The following STAG1 variants were observed in gnomAD, a reference collection of about 807,000 sequenced individuals.
The protein encoded by STAG1 is cohesin subunit SA-1.
In STAG1, 26 loss-of-function variants were observed where a neutral mutation model predicts 170.9. That is an observed-to-expected ratio of 0.15 (90% CI 0.11 to 0.21). The LOEUF is 0.21. Ranked by LOEUF, STAG1 falls within the 10% of genes least tolerant of loss-of-function variation. STAG1 has a pLI of 1.00. For synonymous variants in STAG1, 514 were observed against 497.7 expected (o/e 1.03, Z -0.44); for missense variants, 964 against 1,509.5 (o/e 0.64, Z 5.99).
chr3:136,409,523 G>T (rs1487683928), intron 21 of STAG1, among the ~76,000 whole-genome samples: 1 of 151,958 alleles, frequency 6.6e-6, no homozygotes, highest in African/African-American at 2.4e-5. Context: ...TTTTAGTATA[G>T]ATGGGGTTTT....
At chr3:136,551,758 G>A (rs1041440020) in intron 5 of STAG1, among the ~76,000 whole-genome samples, 3 of 151,754 alleles carry the variant, frequency 2.0e-5, no homozygotes, top group Admixed American at 6.6e-5. Context: ...CACACACCTG[G>A]CTAATTTTTC....
intron 5 of STAG1, among the ~76,000 whole-genome samples, chr3:136,567,577 G>A (rs755649972): frequency 1.3e-5 from 2 of 152,168 alleles, no homozygotes; most frequent in Non-Finnish European, 2.9e-5. Context: ...CACAGCCTGG[G>A]CTGCATCAGC....
intron 1 of STAG1, among the ~76,000 whole-genome samples, chr3:136,704,821 C>CAAAAAAAAAAAA (rs67207510): frequency 7.0e-4 from 36 of 51,418 alleles, no homozygotes; most frequent in Non-Finnish European, 8.6e-4. Flanking sequence ...GTCCCTGTCT[C>CAAAAAAAAAAAA]AAAAAAAAAA....
At chr3:136,487,149 G>A (rs1424999301) in intron 9 of STAG1, among the ~76,000 whole-genome samples, 1 of 151,886 alleles carries the variant, frequency 6.6e-6, no homozygotes, top group African/African-American at 2.4e-5. Context: ...CTCCCAACAG[G>A]CACTGGTGTG....
chr3:136,351,947 A>G (rs1936446761), intron 28 of STAG1, among the ~76,000 whole-genome samples: 2 of 152,308 alleles, frequency 1.3e-5, no homozygotes, highest in South Asian at 2.1e-4. Context: ...TCAGCAGCCA[A>G]GACAAATGAT....
chr3:136,521,419 T>TA lies in STAG1; in HGVS notation c.472-3dup, dbSNP rs759778304. ...GGTAAGAGGATAATCACCACTGTCC[T>TA]AAAAAACAGAAAAAGAACATATTAA... On this transcript the variant is annotated splice_polypyrimidine_tract_variant and splice_region_variant and intron_variant, in intron 6 of 33. Transcript: ENST00000383202. The TA allele has an allele frequency of 3.7e-6, 6 of 1,612,108 alleles. No individual in the cohort carries two copies. The African/African-American group carries it at 4.0e-5, about 11-fold the overall frequency.
At chr3:136,396,764 G>C (rs2087174669) in intron 22 of STAG1, among the ~76,000 whole-genome samples, 1 of 151,592 alleles carries the variant, frequency 6.6e-6, no homozygotes, top group Non-Finnish European at 1.5e-5. Flanking sequence ...TTGACCTTGT[G>C]ATCTGCCCGC....
chr3:136,604,943 C>A (rs566263345), intron 3 of STAG1, among the ~76,000 whole-genome samples: 9 of 152,270 alleles, frequency 5.9e-5, no homozygotes, highest in Admixed American at 4.6e-4. Context: ...AGCCACCACA[C>A]CTAGATGATG....
chr3:136,552,688 T>A (rs914905689), intron 5 of STAG1, among the ~76,000 whole-genome samples: 9 of 152,152 alleles, frequency 5.9e-5, no homozygotes, highest in African/African-American at 2.2e-4. Flanking sequence ...AGGGGTCAAT[T>A]TATCACCTCA....
At chr3:136,624,820 AG>A (rs1418511876) in intron 2 of STAG1, among the ~76,000 whole-genome samples, 1 of 152,260 alleles carries the variant, frequency 6.6e-6, no homozygotes, top group African/African-American at 2.4e-5. Flanking sequence ...TGAGGTGGGA[AG>A]TGACAAACAG....
chr3:136,422,031 C>T (rs1462239964), intron 19 of STAG1, among the ~76,000 whole-genome samples: 2 of 151,676 alleles, frequency 1.3e-5, no homozygotes, highest in Non-Finnish European at 2.9e-5. Context: ...CCTGTAATCC[C>T]AGCTACTCAA....
intron 1 of STAG1, among the ~76,000 whole-genome samples, chr3:136,751,016 T>C (rs1255171181): frequency 6.6e-6 from 1 of 152,226 alleles, no homozygotes; most frequent in Non-Finnish European, 1.5e-5. Context: ...CCAGATAAGT[T>C]ACAAATCACA....
intron 16 of STAG1, among the ~76,000 whole-genome samples, chr3:136,429,172 C>T (rs1028614861): frequency 6.6e-6 from 1 of 151,764 alleles, no homozygotes; most frequent in African/African-American, 2.4e-5. Flanking sequence ...TTTGGGAGGC[C>T]GAAACGGGTG....
chr3:136,739,095 A>C (rs966112766), intron 1 of STAG1, among the ~76,000 whole-genome samples: 1 of 152,222 alleles, frequency 6.6e-6, no homozygotes. Flanking sequence ...GTATTTCAAC[A>C]TGCAGAAATG....
intron 9 of STAG1, among the ~76,000 whole-genome samples, chr3:136,494,816 T>A (rs981982538): frequency 2.0e-5 from 3 of 152,194 alleles, no homozygotes; most frequent in African/African-American, 7.2e-5. Context: ...GTTAATAACA[T>A]CGTGCCTAAT....
chr3:136,686,843 T>G (rs1423718950), intron 1 of STAG1, among the ~76,000 whole-genome samples: 2 of 152,200 alleles, frequency 1.3e-5, no homozygotes, highest in Non-Finnish European at 2.9e-5. Flanking sequence ...GCTACTTAAG[T>G]AATTCAGAGC....
chr3:136,455,929 T>G (rs67230667), intron 13 of STAG1, among the ~76,000 whole-genome samples: 12,063 of 152,206 alleles, frequency 0.079, 500 homozygotes, highest in Non-Finnish European at 0.095. Context: ...AGAACAGAAG[T>G]GCAGTGACTT....
intron 3 of STAG1, among the ~76,000 whole-genome samples, chr3:136,616,188 G>T (rs971701088): frequency 1.3e-5 from 2 of 151,660 alleles, no homozygotes; most frequent in Non-Finnish European, 2.9e-5. Flanking sequence ...AGAATGGCAT[G>T]AACCTGGGAG....
chr3:136,455,817 C>T (rs982938297), intron 13 of STAG1, among the ~76,000 whole-genome samples: 1 of 152,144 alleles, frequency 6.6e-6, no homozygotes, highest in African/African-American at 2.4e-5. Context: ...GTTGCAGTAC[C>T]CACTTAAGGA....
Sources: allele counts gnomAD v4.1 joint callset (sites outside exome capture counted in the v4.1 genomes callset), GRCh38; gene constraint gnomAD v4.1.1; transcripts MANE v1.5; gene names NCBI Gene and HGNC (gene_info 2026-07-23, HGNC 2026-07-21).